The following NEBL variants were observed in gnomAD, a reference collection of about 807,000 sequenced individuals.
The protein encoded by NEBL is nebulette.
Under a neutral mutation model 140.2 loss-of-function variants are expected in NEBL, and 122 were observed. That is an observed-to-expected ratio of 0.87 (90% CI 0.75 to 1.01). The LOEUF (loss-of-function observed/expected upper bound fraction) is 1.01. Among genes scored for constraint, NEBL ranks in the 50% least tolerant of loss-of-function variants. The pLI, the probability that NEBL is intolerant of heterozygous loss-of-function variation, is 0.00. For missense variants in NEBL, 1,365 were observed against 1,231.3 expected (o/e 1.11, Z -1.62); for synonymous variants, 436 against 398.9 (o/e 1.09, Z -1.11).
chr10:21,243,278 C>T (rs1381778445), intron 3 of NEBL, among the ~76,000 whole-genome samples: 1 of 151,178 alleles, frequency 6.6e-6, no homozygotes, highest in African/African-American at 2.4e-5. Context: ...TAGGCAAATT[C>T]CCCTGGGTGA....
At chr10:21,204,473 G>T (rs760326104) in intron 3 of NEBL, among the ~76,000 whole-genome samples, 1 of 151,724 alleles carries the variant, frequency 6.6e-6, no homozygotes, top group African/African-American at 2.4e-5. Context: ...ATGCGCACAT[G>T]ATGACAGACC....
chr10:21,107,607 A>G (rs897658080), intron 2 of NEBL, among the ~76,000 whole-genome samples: 2 of 152,202 alleles, frequency 1.3e-5, no homozygotes, highest in Non-Finnish European at 2.9e-5. Flanking sequence ...GATGTTCATC[A>G]AGGATATTGG....
At chr10:21,065,488 T>C (rs1157936656) in intron 2 of NEBL, among the ~76,000 whole-genome samples, 2 of 152,222 alleles carry the variant, frequency 1.3e-5, no homozygotes, top group African/African-American at 4.8e-5. Context: ...ATTAAGCACT[T>C]AGCAGCTCAG....
At chr10:21,111,701 C>T (rs989498186) in intron 2 of NEBL, among the ~76,000 whole-genome samples, 2 of 150,776 alleles carry the variant, frequency 1.3e-5, no homozygotes, top group African/African-American at 4.9e-5. Flanking sequence ...ATGACTAAAA[C>T]ACCAAAAGCA....
At chr10:20,786,025 T>C (rs2131614523) in intron 27 of NEBL, 102 bp from the exon 28 acceptor site, 1 of 1,167,690 alleles carries the variant, frequency 8.6e-7, no homozygotes, top group Non-Finnish European at 1.3e-6. Context: ...CTATTAGGAA[T>C]GTTTTCAAAC....
intron 2 of NEBL, among the ~76,000 whole-genome samples, chr10:21,067,633 A>G (rs1225986364): frequency 6.6e-6 from 1 of 152,134 alleles, no homozygotes; most frequent in Non-Finnish European, 1.5e-5. Context: ...GAACAAAGGC[A>G]AGGGAGAAGG....
chr10:21,076,902 G>A (rs1434645063), intron 2 of NEBL, among the ~76,000 whole-genome samples: 2 of 152,112 alleles, frequency 1.3e-5, no homozygotes, highest in Non-Finnish European at 2.9e-5. Context: ...GTAAGATGAC[G>A]GAGGGGGAAA....
chr10:20,936,290 A>T (rs139060367), intron 4 of NEBL, among the ~76,000 whole-genome samples: 1 of 152,342 alleles, frequency 6.6e-6, no homozygotes, highest in Admixed American at 6.5e-5. Context: ...ATGAAACAGA[A>T]TCACTTTATT....
At chr10:20,913,880 G>C (rs1848429911) in intron 4 of NEBL, among the ~76,000 whole-genome samples, 2 of 152,102 alleles carry the variant, frequency 1.3e-5, no homozygotes, top group Non-Finnish European at 2.9e-5. Flanking sequence ...TCAAAAACTG[G>C]AGTTTTCTTT....
chr10:21,125,730 A>C (rs1838792736), intron 2 of NEBL: 1 of 912,210 alleles, frequency 1.1e-6, no homozygotes, highest in Non-Finnish European at 1.7e-6. Flanking sequence ...TTGAAGTCAC[A>C]TGTGCTCCAC....
At chr10:20,904,305 T>A (rs1470242167) in intron 4 of NEBL, among the ~76,000 whole-genome samples, 1 of 152,166 alleles carries the variant, frequency 6.6e-6, no homozygotes, top group Non-Finnish European at 1.5e-5. Context: ...TTACTATGCA[T>A]TTATATGTGG....
At chr10:21,107,339 T>C (rs996046507) in intron 2 of NEBL, among the ~76,000 whole-genome samples, 8 of 152,144 alleles carry the variant, frequency 5.3e-5, no homozygotes, top group African/African-American at 1.9e-4. Context: ...TGAGATACGT[T>C]CCATCAATAC....
At chr10:21,082,982 G>A (rs932729545) in intron 2 of NEBL, among the ~76,000 whole-genome samples, 7 of 152,008 alleles carry the variant, frequency 4.6e-5, no homozygotes, top group Admixed American at 2.0e-4. Flanking sequence ...GGCTGGTCTC[G>A]AACTCCTGAC....
upstream of NEBL, among the ~76,000 whole-genome samples, chr10:20,900,879 C>T (rs1481369943): frequency 7.1e-6 from 1 of 140,718 alleles, no homozygotes; most frequent in East Asian, 2.1e-4. Context: ...ATTAGCCGGG[C>T]ATGGTGGCAC....
chr10:20,839,314 A>G (rs575700707), intron 13 of NEBL, among the ~76,000 whole-genome samples: 1 of 152,322 alleles, frequency 6.6e-6, no homozygotes, highest in East Asian at 1.9e-4. Flanking sequence ...TGGATTGGAC[A>G]TGTCACGGCA....
chr10:20,892,289 A>G (rs1847095598), intron 2 of NEBL, among the ~76,000 whole-genome samples: 1 of 152,218 alleles, frequency 6.6e-6, no homozygotes. Flanking sequence ...GTACAAAGGG[A>G]GAGATGCTGC....
chr10:20,958,186 C>A (rs1217146437), intron 4 of NEBL, among the ~76,000 whole-genome samples: 1 of 152,114 alleles, frequency 6.6e-6, no homozygotes, highest in Non-Finnish European at 1.5e-5. Context: ...TTTTAATGCC[C>A]TTGGGCACAG....
chr10:20,912,491 C>T (rs1436700760), intron 4 of NEBL, among the ~76,000 whole-genome samples: 8 of 152,172 alleles, frequency 5.3e-5, no homozygotes, highest in African/African-American at 1.9e-4. Flanking sequence ...TATCTCAACA[C>T]AAGCTTTCTT....
At chr10:21,180,089 A>T (rs1841363536) in intron 3 of NEBL, among the ~76,000 whole-genome samples, 2 of 152,024 alleles carry the variant, frequency 1.3e-5, no homozygotes, top group South Asian at 4.2e-4. Flanking sequence ...GTGAGCTGAG[A>T]TTGTGCCACT....
Sources: gnomAD v4.1 joint callset for allele counts (sites outside exome capture counted in the v4.1 genomes callset) on GRCh38, gnomAD v4.1.1 for gene constraint, MANE v1.5 for transcripts, NCBI Gene and HGNC (gene_info 2026-07-23, HGNC 2026-07-21) for gene names.